PIEZO2: variants seen among roughly 807,000 people sequenced by gnomAD.
PIEZO2 encodes piezo type mechanosensitive ion channel component 2, also known as piezo-type mechanosensitive ion channel component 2.
Under a neutral mutation model 337.3 loss-of-function variants are expected in PIEZO2, and 172 were observed. The ratio of observed to expected loss-of-function variants is 0.51; its 90% CI spans 0.45 to 0.58. PIEZO2 has a LOEUF of 0.58. Among genes scored for constraint, PIEZO2 ranks in the 20% least tolerant of loss-of-function variants. The pLI, the probability that PIEZO2 is intolerant of heterozygous loss-of-function variation, is 0.00. For missense variants in PIEZO2, 3,028 were observed against 3,391.3 expected, an observed-to-expected ratio of 0.89 and a Z score of 2.66; for synonymous variants, 1,251 against 1,228.5, an observed-to-expected ratio of 1.02 and a Z score of -0.38.
intron 41 of PIEZO2, among the ~76,000 whole-genome samples, chr18:10,704,929 G>A (rs2035510834): frequency 6.6e-6 from 1 of 152,190 alleles, no homozygotes; most frequent in South Asian, 2.1e-4. Context: ...AACCTCAGGT[G>A]ATCCACCCGC....
In PIEZO2 at chr18:10,828,882, A is replaced by T. The variant is rs572396629; in HGVS notation, c.918-21608T>A. ...CAATGTATGCTGAGATTAACAACAG[A>T]GACAGTTGAGCTTTGCTGCTGGTTC... On this transcript the variant is annotated intron_variant, in intron 7 of 55. Coordinates refer to ENST00000674853, the MANE Select transcript of PIEZO2 (RefSeq NM_001378183.1). The surrounding 1 kb of genome is among the most constrained non-coding windows in gnomAD (Gnocchi z 4.1). Among the ~76,000 whole-genome samples, 1 of 152,266 alleles carries T rather than the reference A, an allele frequency of 6.6e-6. No homozygotes were observed. Among genetic ancestry groups the T allele is most frequent in the East Asian group, 1.9e-4 (1 of 5,184 alleles).
rs115455144 is a variant in PIEZO2 at position 11,084,654 on chromosome 18, T to C, written c.65-18432A>G. On this transcript the variant is annotated intron_variant, in intron 1 of 55. Coordinates refer to ENST00000674853, the MANE Select transcript of PIEZO2 (RefSeq NM_001378183.1). ...TTAGCAACTTTGATCCTGCTTTTGTTTGCTATTTTCTTTACCAAGAACTCC... is the reference window on the plus strand; with the variant it reads ...TTAGCAACTTTGATCCTGCTTTTGTCTGCTATTTTCTTTACCAAGAACTCC... 1.6e-3 allele frequency among the ~76,000 whole-genome samples: 249 copies of C among 152,286 alleles called. 2 individuals are homozygous for C. The highest frequency in any genetic ancestry group is 3.4e-3 in the Middle Eastern group (1 of 294).
chr18:11,133,428 C>T (rs1413711264), intron 1 of PIEZO2, among the ~76,000 whole-genome samples: 1 of 152,094 alleles, frequency 6.6e-6, no homozygotes, highest in Non-Finnish European at 1.5e-5. Flanking sequence ...AGAGTGTCAA[C>T]TTGATTGGAT....
chr18:10,808,560 G>A (rs755409782), intron 7 of PIEZO2, among the ~76,000 whole-genome samples: 14 of 152,152 alleles, frequency 9.2e-5, no homozygotes, highest in Admixed American at 2.6e-4. Context: ...AGATTTTAAA[G>A]TAAGCTAAAT....
At chr18:10,738,444 T>A (rs2037093699) in intron 33 of PIEZO2, 1 of 152,140 alleles carries the variant, frequency 6.6e-6, no homozygotes, top group African/African-American at 2.4e-5. Flanking sequence ...AAACCACCAA[T>A]ATTTATGTGA....
intron 4 of PIEZO2, among the ~76,000 whole-genome samples, chr18:10,887,176 C>T (rs757431194): frequency 1.3e-4 from 19 of 147,892 alleles, no homozygotes; most frequent in Non-Finnish European, 2.4e-4. Flanking sequence ...TTCAAGCGAT[C>T]CTCCTGCCTC....
At position 10,742,798 on chromosome 18, in the gene PIEZO2, T is replaced by TTGTG. The variant is rs71169946; in HGVS notation, c.4515-187_4515-184dup. Among the ~76,000 whole-genome samples the TTGTG allele has an allele frequency of 0.024, 2,743 of 115,596 alleles. 26 individuals are homozygous for TTGTG. The highest frequency in any genetic ancestry group is 0.028 in the Non-Finnish European group (1,704 of 60,812). The allele number at this position is 115,596 out of a possible 152,430, so 75.8% of individuals were successfully genotyped here. The stretch of plus-strand genomic sequence containing the variant: ...GATCTCCTTTCTTTTATATACATAT[T>TTGTG]TGTGTGTGTGTGTGTGTGTGTGTGT... On this transcript the variant is annotated intron_variant, in intron 31 of 55. Transcript: ENST00000674853.
rs528032976 is a variant in PIEZO2, at chr18:11,131,844, G to C, written c.64+16681C>G. ...GGAGGAGGAGTTTAATAATGAAGCGGATAGGATGACCTGTTGTGTGGACAC... is the reference window on the plus strand; with the variant it reads ...GGAGGAGGAGTTTAATAATGAAGCGCATAGGATGACCTGTTGTGTGGACAC... On this transcript the variant is annotated intron_variant, in intron 1 of 55. Transcript: ENST00000674853. This position sits in a 1 kb window ranked among gnomAD's most constrained non-coding sequence, Gnocchi z 5.3. Among the ~76,000 whole-genome samples, 144 of 152,252 alleles carry C rather than the reference G, an allele frequency of 9.5e-4. 1 individual carries two copies. The highest frequency in any genetic ancestry group is 3.4e-3 in the African/African-American group (141 of 41,548).
At chr18:10,723,635 T>C (rs527295682) in intron 36 of PIEZO2, among the ~76,000 whole-genome samples, 7 of 151,612 alleles carry the variant, frequency 4.6e-5, no homozygotes, top group South Asian at 2.1e-4. Context: ...TGGAAGGGAG[T>C]TGCTGACCAG....
rs78853781 is a variant in PIEZO2, at chr18:10,940,077, C to T, written c.287-28849G>A. Among the ~76,000 whole-genome samples, 1,490 of 152,250 alleles carry T rather than the reference C, an allele frequency of 9.8e-3. 30 individuals are homozygous for T. Among genetic ancestry groups the T allele is most frequent in the African/African-American group, 0.033 (1,391 of 41,528 alleles). On this transcript the variant is annotated intron_variant, in intron 3 of 55. Coordinates refer to ENST00000674853, the MANE Select transcript of PIEZO2 (RefSeq NM_001378183.1). This position sits in a 1 kb window ranked among gnomAD's most constrained non-coding sequence, Gnocchi z 5.3. Reference sequence around the variant, plus strand: ...CTGGGGACAGTGAGTTTCCCCTCATCAGAAACAAACTCCAGGGAGTGGTTC... The same window carrying T: ...CTGGGGACAGTGAGTTTCCCCTCATTAGAAACAAACTCCAGGGAGTGGTTC...
At chr18:10,693,854 T>C (rs1019952955) in intron 47 of PIEZO2, among the ~76,000 whole-genome samples, 7 of 152,266 alleles carry the variant, frequency 4.6e-5, no homozygotes, top group Admixed American at 3.9e-4. Flanking sequence ...AATTAAGAGT[T>C]TCTGTGAAGG....
chr18:10,773,090 G>A lies in PIEZO2; in HGVS notation c.2785+322C>T, dbSNP rs2038660328. Among the ~76,000 whole-genome samples, 1 of 152,022 alleles carries A rather than the reference G, an allele frequency of 6.6e-6. No homozygotes were observed. The highest frequency in any genetic ancestry group is 2.1e-4 in the South Asian group (1 of 4,830). On this transcript the variant is annotated intron_variant, in intron 20 of 55. Transcript: ENST00000674853. The surrounding 1 kb of genome is among the most constrained non-coding windows in gnomAD (Gnocchi z 5.3). ...CTTTGAGATTCTGCACAGCCAGGTT[G>A]TACCTGCATCTGGTAGAAACAGAGA...
intron 2 of PIEZO2, among the ~76,000 whole-genome samples, chr18:11,008,083 T>A (rs1054663951): frequency 2.6e-5 from 4 of 152,200 alleles, no homozygotes; most frequent in African/African-American, 9.7e-5. Flanking sequence ...TATATGTATA[T>A]ATGAGGAAAA....
In PIEZO2 at chr18:10,855,424, A is replaced by G; in HGVS notation, c.846T>C (p.His282=). Residue 282 remains histidine (H), a synonymous_variant, in exon 7 of 56, where the codon CAT becomes CAC. Transcript: ENST00000674853. This position sits in a 1 kb window ranked among gnomAD's most constrained non-coding sequence, Gnocchi z 4.9. ...ACTGGTATAAATAAAGTCCAATCAAATGTCCAGCAGTGAAAATAGCCAGCA... is the reference window on the plus strand; with the variant it reads ...ACTGGTATAAATAAAGTCCAATCAAGTGTCCAGCAGTGAAAATAGCCAGCA... ...CVLLAIFTAG[H]LIGLYLYQFQ... is the part of the protein sequence containing the mutation. 1 of 1,537,198 alleles carries G rather than the reference A, an allele frequency of 6.5e-7. No individual in the cohort carries two copies. Among genetic ancestry groups the G allele is most frequent in the Non-Finnish European group, 8.7e-7 (1 of 1,146,866 alleles).
rs1185742822 is a variant in PIEZO2 at position 10,834,454 on chromosome 18, C to T, written c.917+20899G>A. Among the ~76,000 whole-genome samples the T allele has an allele frequency of 6.6e-6, 1 of 152,218 alleles. No homozygotes were observed. The highest frequency in any genetic ancestry group is 1.5e-5 in the Non-Finnish European group (1 of 68,042). ...AACTATTACAACTATGATATTATCA[C>T]TATTAGCCCAGCCCCACTCTGTGAT... On this transcript the variant is annotated intron_variant, in intron 7 of 55. Coordinates refer to ENST00000674853, the MANE Select transcript of PIEZO2 (RefSeq NM_001378183.1). The surrounding 1 kb of genome is among the most constrained non-coding windows in gnomAD (Gnocchi z 4.5).
chr18:10,765,806 A>G (rs1256077463), intron 21 of PIEZO2, among the ~76,000 whole-genome samples: 2 of 152,088 alleles, frequency 1.3e-5, no homozygotes. Flanking sequence ...CTGTGGACAG[A>G]GACTGAGGAA....
At chr18:10,738,878 G>A (rs2037113489) in intron 33 of PIEZO2, 4 of 152,156 alleles carry the variant, frequency 2.6e-5, no homozygotes, top group Admixed American at 2.6e-4. Context: ...GTGTACATAG[G>A]TATGGAAGTA....
At chr18:10,884,033 G>T (rs546610468) in intron 4 of PIEZO2, among the ~76,000 whole-genome samples, 1 of 152,096 alleles carries the variant, frequency 6.6e-6, no homozygotes, top group African/African-American at 2.4e-5. Flanking sequence ...GGATGGTCTT[G>T]ATCTCCTGAC....
At position 10,677,041 on chromosome 18, in the gene PIEZO2, G is replaced by C. The variant is rs937896377; in HGVS notation, c.8081+706C>G. ...ATGAGAATCAGCATGATGATTTCTAGTGTGCCCCAAAATGGGTCCCAATAG... is the reference window on the plus strand; with the variant it reads ...ATGAGAATCAGCATGATGATTTCTACTGTGCCCCAAAATGGGTCCCAATAG... On this transcript the variant is annotated intron_variant, in intron 53 of 55. Transcript: ENST00000674853. This position sits in a 1 kb window ranked among gnomAD's most constrained non-coding sequence, Gnocchi z 4.1. 6.6e-6 allele frequency among the ~76,000 whole-genome samples: 1 copy of C among 152,138 alleles called. No homozygotes were observed. Among genetic ancestry groups the C allele is most frequent in the Non-Finnish European group, 1.5e-5 (1 of 68,018 alleles).
Sources: gnomAD v4.1 joint callset for allele counts (sites outside exome capture counted in the v4.1 genomes callset) on GRCh38, gnomAD v4.1.1 for gene constraint, Gnocchi (gnomAD v3.1) non-coding constraint, MANE v1.5 for transcripts, NCBI Gene and HGNC (gene_info 2026-07-23, HGNC 2026-07-21) for gene names.